PCDHA9: variants seen among roughly 807,000 people sequenced by gnomAD.
PCDHA9 encodes protocadherin alpha-9.
A neutral mutation model predicts 62.0 loss-of-function variants in PCDHA9; 62 were observed. The ratio of observed to expected loss-of-function variants is 1.00; its 90% CI spans 0.81 to 1.23. The LOEUF is 1.23. PCDHA9 is among the 50% of genes most tolerant of loss of function. The pLI, the probability that PCDHA9 is intolerant of heterozygous loss-of-function variation, is 0.00. For missense variants in PCDHA9, 1,205 were observed against 1,249.8 expected (o/e 0.96, Z 0.54); for synonymous variants, 557 against 567.6 (o/e 0.98, Z 0.27).
At chr5:140,975,326 G>A (rs901942738) in intron 1 of PCDHA9, among the ~76,000 whole-genome samples, 2 of 152,216 alleles carry the variant, frequency 1.3e-5, no homozygotes, top group Non-Finnish European at 2.9e-5. Flanking sequence ...GTCCCATCCA[G>A]ATGATCTCCC....
chr5:140,992,590 T>C (rs536991072), intron 3 of PCDHA9, among the ~76,000 whole-genome samples: 1 of 152,300 alleles, frequency 6.6e-6, no homozygotes, highest in East Asian at 1.9e-4. Flanking sequence ...TGTATGCATC[T>C]AGCGTCTGTG....
chr5:140,991,875 G>A (rs2097477734), intron 3 of PCDHA9, among the ~76,000 whole-genome samples: 1 of 152,092 alleles, frequency 6.6e-6, no homozygotes, highest in South Asian at 2.1e-4. Context: ...AGTTTCCTAG[G>A]GCTGCCATAA....
Position 140,890,095 on chromosome 5 carries a change from C to T in PCDHA9, c.2394+39206C>T, listed in dbSNP as rs1237299507. On this transcript the variant is annotated intron_variant, in intron 1 of 3. Coordinates refer to ENST00000532602, the MANE Select transcript of PCDHA9 (RefSeq NM_031857.2). ...TGAGAACTGATAATGCAAATTTATT[C>T]CCAACTCTGGATTCAATGATGTCAC... Among the ~76,000 whole-genome samples the T allele has an allele frequency of 2.6e-5, 4 of 152,128 alleles. 1 individual carries two copies. The highest frequency in any genetic ancestry group is 1.3e-4 in the Admixed American group (2 of 15,262).
intron 1 of PCDHA9, chr5:140,883,426 C>T: frequency 6.2e-7 from 1 of 1,614,196 alleles, no homozygotes; most frequent in Non-Finnish European, 8.5e-7. Context: ...GACAGGTCAC[C>T]TGCACCTTGA....
rs200652127 is a variant in PCDHA9 at position 140,848,866 on chromosome 5, A to G, written c.371A>G (p.Lys124Arg). ...LQVFHVDVEV[K>R]DINDNPPVFP... ...GTTTTCCATGTGGACGTGGAGGTGA[A>G]GGACATTAACGACAACCCTCCAGTG... Residue 124 changes from lysine to arginine, a missense_variant, in exon 1 of 4, where the codon AAG becomes AGG. This residue lies in a region of PCDHA9 where 208 missense variants were observed against 213.2 expected (regional missense o/e 0.98). Transcript: ENST00000532602. 3.8e-6 allele frequency: 6 copies of G among 1,590,776 alleles called. No homozygotes were observed. Among genetic ancestry groups the G allele is most frequent in the Admixed American group, 1.7e-5 (1 of 58,794 alleles).
chr5:140,882,347 G>A (rs1554173687), intron 1 of PCDHA9: 3 of 1,614,198 alleles, frequency 1.9e-6, no homozygotes, highest in South Asian at 2.2e-5. Context: ...CTGGGAGACG[G>A]GTAGTGGCCA....
intron 1 of PCDHA9, chr5:140,969,405 C>T (rs781817372): frequency 6.3e-7 from 1 of 1,577,066 alleles, no homozygotes; most frequent in Non-Finnish European, 8.6e-7. Flanking sequence ...TGTGATTTGG[C>T]TTTATTGAGT....
At chr5:140,931,323 T>A (rs912582961) in intron 1 of PCDHA9, among the ~76,000 whole-genome samples, 1 of 152,110 alleles carries the variant, frequency 6.6e-6, no homozygotes, top group Non-Finnish European at 1.5e-5. Context: ...CAGTAATGGC[T>A]GTAAAGTTTG....
chr5:140,952,221 C>T (rs991982346), intron 1 of PCDHA9, among the ~76,000 whole-genome samples: 1 of 151,940 alleles, frequency 6.6e-6, no homozygotes, highest in Non-Finnish European at 1.5e-5. Flanking sequence ...TTTCCAGGCA[C>T]AGTGTGCAAG....
At chr5:140,856,019 C>G in intron 1 of PCDHA9, 1 of 1,551,820 alleles carries the variant, frequency 6.4e-7, no homozygotes, top group Non-Finnish European at 8.7e-7. Flanking sequence ...ACCGCTGATT[C>G]GTCGATTTGT....
chr5:140,881,679 A>G (rs2058790767), intron 1 of PCDHA9, among the ~76,000 whole-genome samples: 1 of 152,220 alleles, frequency 6.6e-6, no homozygotes, highest in Non-Finnish European at 1.5e-5. Flanking sequence ...TGTGATTGTT[A>G]TGTTTCCTTT....
chr5:140,957,254 A>T (rs2095344725), intron 1 of PCDHA9, among the ~76,000 whole-genome samples: 1 of 152,192 alleles, frequency 6.6e-6, no homozygotes, highest in Non-Finnish European at 1.5e-5. Flanking sequence ...TAAAATTTAA[A>T]TATGTAAGCA....
At chr5:140,987,429 G>A (rs1402576200) in intron 3 of PCDHA9, among the ~76,000 whole-genome samples, 1 of 152,096 alleles carries the variant, frequency 6.6e-6, no homozygotes, top group Non-Finnish European at 1.5e-5. Context: ...GAAGCAGGGG[G>A]CCTTTCCCCA....
chr5:140,971,165 G>A (rs1390176241), intron 1 of PCDHA9, among the ~76,000 whole-genome samples: 1 of 152,136 alleles, frequency 6.6e-6, no homozygotes, highest in Non-Finnish European at 1.5e-5. Context: ...GCTCAGCTTT[G>A]CCACCAGCTG....
intron 1 of PCDHA9, chr5:140,929,227 G>A (rs141300036): frequency 6.2e-6 from 10 of 1,613,774 alleles, no homozygotes; most frequent in Admixed American, 5.0e-5. Context: ...CAATGCTGCC[G>A]ACCTGCGAAA....
intron 1 of PCDHA9, among the ~76,000 whole-genome samples, chr5:140,931,040 A>G (rs2087258988): frequency 6.6e-6 from 1 of 152,242 alleles, no homozygotes; most frequent in South Asian, 2.1e-4. Flanking sequence ...GCTAGCAAGA[A>G]AAACTTCAAT....
rs73263815 is a variant in PCDHA9, at chr5:140,853,554, A to T, written c.2394+2665A>T. ...TCTTTTCAAGTTGTAATTACTATAT[A>T]GGAAAAACTAAGTTGTCACCCAATA... On this transcript the variant is annotated intron_variant, in intron 1 of 3. Transcript: ENST00000532602. 9,092 of 979,494 alleles carry T rather than the reference A, an allele frequency of 9.3e-3. 1,045 individuals carry two copies. In the African/African-American group the frequency reaches 0.15, roughly 16 times the overall value. The allele number at this position is 979,494 out of a possible 1,614,324, so 60.7% of individuals were successfully genotyped here.
chr5:141,005,701 CAAAAAAAAAAAA>C (rs59860837), intron 3 of PCDHA9, among the ~76,000 whole-genome samples: 139 of 7,794 alleles, frequency 0.018, no homozygotes, highest in African/African-American at 0.055. Context: ...AACTCCGTCT[CAAAAAAAAAAAA>C]AAAAAAAAAA....
chr5:140,906,243 A>T (rs2072484346), intron 1 of PCDHA9, among the ~76,000 whole-genome samples: 1 of 152,190 alleles, frequency 6.6e-6, no homozygotes, highest in South Asian at 2.1e-4. Flanking sequence ...GTCAACTTGA[A>T]CCCATACACA....
Sources: gnomAD v4.1 joint callset for allele counts (sites outside exome capture counted in the v4.1 genomes callset) on GRCh38, gnomAD v4.1.1 for gene constraint, gnomAD v4.1.1 regional missense constraint, MANE v1.5 for transcripts, NCBI Gene and HGNC (gene_info 2026-07-23, HGNC 2026-07-21) for gene names.